SCN9A: variants seen among roughly 807,000 people sequenced by gnomAD.
The protein encoded by SCN9A is sodium channel protein type 9 subunit alpha.
Under a neutral mutation model 187.0 loss-of-function variants are expected in SCN9A, and 131 were observed. The observed-to-expected ratio is 0.70, with a 90% CI of 0.61 to 0.81. The LOEUF is 0.81. Among genes scored for constraint, SCN9A ranks in the 30% least tolerant of loss-of-function variants. The pLI is 0.00. For missense variants in SCN9A, 2,252 were observed against 2,396.6 expected, an observed-to-expected ratio of 0.94 and a Z score of 1.26; for synonymous variants, 809 against 808.6, an observed-to-expected ratio of 1.00 and a Z score of -0.01.
chr2:166,211,236 GTA>G (rs1694078267), intron 24 of SCN9A, among the ~76,000 whole-genome samples: 1 of 151,992 alleles, frequency 6.6e-6, no homozygotes, highest in Admixed American at 6.6e-5. Context: ...TAAAGTGAAA[GTA>G]TATATTCAAA....
chr2:166,284,896 C>T, intron 11 of SCN9A, 72 bp from the exon 12 acceptor site: 1 of 1,450,180 alleles, frequency 6.9e-7, no homozygotes, highest in Non-Finnish European at 9.1e-7. Flanking sequence ...ATAAATACCA[C>T]TGAACCCACT....
At chr2:166,321,773 C>T (rs1377118952) in intron 1 of SCN9A, among the ~76,000 whole-genome samples, 1 of 149,096 alleles carries the variant, frequency 6.7e-6, no homozygotes, top group Non-Finnish European at 1.5e-5. Flanking sequence ...CACTTCATTC[C>T]AATTATAGCC....
At chr2:166,251,909 C>G in intron 17 of SCN9A, 24 bp from the exon 18 acceptor site, 1 of 1,610,704 alleles carries the variant, frequency 6.2e-7, no homozygotes, top group Non-Finnish European at 8.5e-7. Flanking sequence ...CACCACCCCA[C>G]CAGGTAGTTC....
Position 166,233,421 on chromosome 2 carries a change from T to A in SCN9A, c.3843A>T (p.Ser1281=), listed in dbSNP as rs773735773. The part of the protein sequence containing the change: ...VTLVANTLGY[S]DLGPIKSLRT... ...GAAGGGATTTAATGGGGCCAAGATC[T>A]GAGTAGCCAAGAGTGTTTGCCACTA... is the stretch of plus-strand genomic sequence containing the variant. The change falls in exon 21 of 27, where the codon TCA becomes TCT. Residue 1281 remains serine, a synonymous_variant. Coordinates refer to ENST00000642356, the MANE Select transcript of SCN9A (RefSeq NM_001365536.1). 1 of 1,581,208 alleles carries A rather than the reference T, an allele frequency of 6.3e-7. No individual in the cohort carries two copies. The highest frequency in any genetic ancestry group is 8.6e-7 in the Non-Finnish European group (1 of 1,168,356).
At position 166,369,557 on chromosome 2, in the gene SCN9A, G is replaced by A. The variant is rs372203675; in HGVS notation, c.-51+6140C>T. On this transcript the variant is annotated intron_variant, in intron 1 of 26. Transcript: ENST00000642356. ...ACCATGAGCCAAGTTTGTAAATGGGGTAACAAGAATACATATTTTGTTAAG... is the reference window on the plus strand; with the variant it reads ...ACCATGAGCCAAGTTTGTAAATGGGATAACAAGAATACATATTTTGTTAAG... Among the ~76,000 whole-genome samples the A allele has an allele frequency of 5.3e-5, 8 of 152,236 alleles. No individual in the cohort carries two copies. In the East Asian group the frequency reaches 1.3e-3, roughly 26 times the overall value.
intron 24 of SCN9A, among the ~76,000 whole-genome samples, chr2:166,220,620 G>C (rs1033450235): frequency 6.6e-6 from 1 of 152,078 alleles, no homozygotes; most frequent in Non-Finnish European, 1.5e-5. Context: ...CCAGTCTGTG[G>C]TATTCTGTTA....
At position 166,253,567 on chromosome 2, in the gene SCN9A, C is replaced by T. The variant is rs370300774; in HGVS notation, c.3352-1682G>A. Among the ~76,000 whole-genome samples, 7 of 151,534 alleles carry T rather than the reference C, an allele frequency of 4.6e-5. No individual in the cohort carries two copies. The South Asian group carries it at 8.4e-4, about 18-fold the overall frequency. On this transcript the variant is annotated intron_variant, in intron 17 of 26. Coordinates refer to ENST00000642356, the MANE Select transcript of SCN9A (RefSeq NM_001365536.1). ...TTAAAATACAGATTAATCCAGGAAA[C>T]GATGTTGGATAAACTTATAATTACT...
chr2:166,235,800 A>T (rs1695292844), intron 20 of SCN9A, among the ~76,000 whole-genome samples: 1 of 152,134 alleles, frequency 6.6e-6, no homozygotes, highest in African/African-American at 2.4e-5. Flanking sequence ...TTTCCAAAAT[A>T]TTAAATAATA....
Position 166,201,537 on chromosome 2 carries a change from GTATACTA to G in SCN9A, c.4775-1680_4775-1674del, listed in dbSNP as rs1415032778. Among the ~76,000 whole-genome samples the G allele has an allele frequency of 1.3e-3, 58 of 44,104 alleles. 8 individuals carry two copies. The highest frequency in any genetic ancestry group is 1.6e-3 in the South Asian group (2 of 1,288). The allele number at this position is 44,104 out of a possible 152,430, so 28.9% of individuals were successfully genotyped here. ...ACTATATATATAGTATAGAGTATGC[GTATACTA>G]TATATATAGTATAGAGTATGCGTAT... is the stretch of plus-strand genomic sequence containing the variant. On this transcript the variant is annotated intron_variant, in intron 26 of 26. Coordinates refer to ENST00000642356, the MANE Select transcript of SCN9A (RefSeq NM_001365536.1).
At chr2:166,359,815 T>C (rs980595000) in intron 1 of SCN9A, among the ~76,000 whole-genome samples, 1 of 151,840 alleles carries the variant, frequency 6.6e-6, no homozygotes, top group African/African-American at 2.4e-5. Flanking sequence ...GTGATTTGGG[T>C]ATTTCATAAT....
intron 18 of SCN9A, among the ~76,000 whole-genome samples, chr2:166,245,196 G>GA (rs1695733888): frequency 6.6e-6 from 1 of 151,818 alleles, no homozygotes; most frequent in Non-Finnish European, 1.5e-5. Context: ...GTTTGGCAAA[G>GA]TTCAAAAAAA....
At chr2:166,336,107 T>G (rs1699619934) in intron 1 of SCN9A, among the ~76,000 whole-genome samples, 1 of 152,110 alleles carries the variant, frequency 6.6e-6, no homozygotes, top group Admixed American at 6.6e-5. Flanking sequence ...AATCCCTCAC[T>G]GATACTGAGG....
chr2:166,259,856 T>C (rs1390690078), intron 17 of SCN9A, among the ~76,000 whole-genome samples: 1 of 151,712 alleles, frequency 6.6e-6, no homozygotes, highest in Non-Finnish European at 1.5e-5. Context: ...CCAATGAAGA[T>C]GGAAAGATTT....
At chr2:166,324,200 G>A (rs1157983499) in intron 1 of SCN9A, among the ~76,000 whole-genome samples, 2 of 151,898 alleles carry the variant, frequency 1.3e-5, no homozygotes, top group African/African-American at 4.8e-5. Flanking sequence ...GGCTGAGGCA[G>A]GAGAATTACT....
intron 1 of SCN9A, among the ~76,000 whole-genome samples, chr2:166,360,217 C>G (rs1700245869): frequency 1.4e-5 from 1 of 70,930 alleles, no homozygotes; most frequent in Admixed American, 2.1e-4. Flanking sequence ...GAAACTCTGT[C>G]TCAAAAAAAA....
At chr2:166,330,767 T>A (rs1449896709) in intron 1 of SCN9A, among the ~76,000 whole-genome samples, 2 of 152,154 alleles carry the variant, frequency 1.3e-5, no homozygotes, top group Non-Finnish European at 2.9e-5. Context: ...AAGCTTGCAC[T>A]TCTCTGAGAG....
intron 1 of SCN9A, among the ~76,000 whole-genome samples, chr2:166,338,167 G>A (rs1299018840): frequency 6.6e-6 from 1 of 152,018 alleles, no homozygotes; most frequent in Non-Finnish European, 1.5e-5. Context: ...AGGAGATGAG[G>A]TCCACATTGA....
chr2:166,251,505 C>T (rs1456386583), intron 18 of SCN9A, among the ~76,000 whole-genome samples: 2 of 151,918 alleles, frequency 1.3e-5, no homozygotes, highest in Non-Finnish European at 2.9e-5. Flanking sequence ...CGAATTAAGG[C>T]TCTAAAATAA....
rs1352541815 is a variant in SCN9A at position 166,277,158 on chromosome 2, T to G, written c.2699A>C (p.Asn900Thr). The G allele has an allele frequency of 1.9e-6, 3 of 1,613,966 alleles. No individual in the cohort carries two copies. ...CCACCGTGGGAGCGTACAGTCATCA[T>G]TGATCTTGCAGACACATTCTTTGTA... ...KSYKECVCKI[N>T]DDCTLPRWHM... Residue 900 changes from asparagine to threonine, a missense_variant, in exon 16 of 27, where the codon AAT (asparagine) becomes ACT (threonine). Asn to Thr is a moderately conservative substitution (Grantham distance 65). Transcript: ENST00000642356.
Sources: allele counts gnomAD v4.1 joint callset (sites outside exome capture counted in the v4.1 genomes callset), GRCh38; gene constraint gnomAD v4.1.1; transcripts MANE v1.5; gene names NCBI Gene and HGNC (gene_info 2026-07-23, HGNC 2026-07-21).